GRIP1: variants seen among roughly 807,000 people sequenced by gnomAD.
GRIP1 encodes glutamate receptor interacting protein 1.
Under a neutral mutation model 129.9 loss-of-function variants are expected in GRIP1, and 45 were observed. That is an observed-to-expected ratio of 0.35 (90% confidence interval 0.27 to 0.44). The LOEUF is 0.44. GRIP1 is among the 20% of genes least tolerant of loss of function. The pLI is 1.00. For missense variants in GRIP1, 1,196 were observed against 1,396.8 expected (o/e 0.86, Z 2.29); for synonymous variants, 530 against 520.8 (o/e 1.02, Z -0.24).
intron 23 of GRIP1, among the ~76,000 whole-genome samples, chr12:66,356,051 T>A (rs1272609785): frequency 1.3e-5 from 2 of 152,130 alleles, no homozygotes; most frequent in Non-Finnish European, 2.9e-5. Flanking sequence ...CGACACTGTG[T>A]GGACACGAGA....
intron 1 of GRIP1, among the ~76,000 whole-genome samples, chr12:66,623,903 CT>C (rs1363670555): frequency 6.6e-6 from 1 of 152,044 alleles, no homozygotes; most frequent in Non-Finnish European, 1.5e-5. Flanking sequence ...TGAATTTTTT[CT>C]TTTAAATTTA....
At chr12:66,717,138 G>A (rs769383919) in intron 1 of GRIP1, among the ~76,000 whole-genome samples, 6 of 152,052 alleles carry the variant, frequency 3.9e-5, no homozygotes, top group Admixed American at 2.0e-4. Context: ...AGTCCAATAA[G>A]TTATAGAACA....
chr12:66,860,941 G>C (rs1831812651), intron 1 of GRIP1, among the ~76,000 whole-genome samples: 1 of 151,914 alleles, frequency 6.6e-6, no homozygotes, highest in African/African-American at 2.4e-5. Context: ...TTTCATTCAA[G>C]GCCATTACAC....
chr12:66,849,997 A>C (rs1488084640), intron 1 of GRIP1, among the ~76,000 whole-genome samples: 1 of 152,130 alleles, frequency 6.6e-6, no homozygotes, highest in East Asian at 1.9e-4. Flanking sequence ...CATCTACAAA[A>C]TGAAGGATAT....
chr12:66,882,842 G>A (rs1035875306), intron 1 of GRIP1, among the ~76,000 whole-genome samples: 28 of 149,438 alleles, frequency 1.9e-4, no homozygotes, highest in African/African-American at 3.8e-4. Flanking sequence ...TCTCCTCCTC[G>A]CAGACAAGGC....
intron 1 of GRIP1, among the ~76,000 whole-genome samples, chr12:66,970,615 G>A (rs376673992): frequency 1.7e-5 from 1 of 60,414 alleles, no homozygotes; most frequent in Non-Finnish European, 3.3e-5. Context: ...GCCAGCCAGT[G>A]TCTGTCTGCA....
At chr12:66,786,241 A>C (rs1458217048) in intron 1 of GRIP1, among the ~76,000 whole-genome samples, 1 of 152,218 alleles carries the variant, frequency 6.6e-6, no homozygotes, top group African/African-American at 2.4e-5. Context: ...TGCTAGATGG[A>C]TATGACAACC....
intron 1 of GRIP1, among the ~76,000 whole-genome samples, chr12:66,888,240 T>C (rs1193277338): frequency 6.6e-6 from 1 of 151,780 alleles, no homozygotes; most frequent in Non-Finnish European, 1.5e-5. Context: ...TCATTTTTTT[T>C]TGTGGAGATG....
At chr12:66,826,932 A>G (rs2137003706) in intron 1 of GRIP1, among the ~76,000 whole-genome samples, 1 of 152,286 alleles carries the variant, frequency 6.6e-6, no homozygotes, top group East Asian at 1.9e-4. Flanking sequence ...AGGGAAATCA[A>G]TAATATACAT....
intron 7 of GRIP1, among the ~76,000 whole-genome samples, chr12:66,504,507 A>G (rs2060475053): frequency 6.6e-6 from 1 of 152,176 alleles, no homozygotes; most frequent in Non-Finnish European, 1.5e-5. Flanking sequence ...ATTTGTAATC[A>G]TATGTACCTG....
chr12:66,473,899 A>G (rs2059522031), intron 7 of GRIP1, among the ~76,000 whole-genome samples: 1 of 152,188 alleles, frequency 6.6e-6, no homozygotes, highest in Non-Finnish European at 1.5e-5. Context: ...AAGCCTAAAA[A>G]TTCAAAAACC....
At chr12:66,875,940 A>T (rs2040374979) in intron 1 of GRIP1, among the ~76,000 whole-genome samples, 1 of 152,086 alleles carries the variant, frequency 6.6e-6, no homozygotes, top group African/African-American at 2.4e-5. Context: ...TTATTCAAAA[A>T]TAGTGGTACA....
intron 1 of GRIP1, among the ~76,000 whole-genome samples, chr12:67,039,018 AACACACACACACACAC>A (rs10562551): frequency 1.3e-5 from 2 of 148,934 alleles, no homozygotes; most frequent in Non-Finnish European, 3.0e-5. Flanking sequence ...ACAAATAATA[AACACACACACACACAC>A]ACACACACAC....
intron 1 of GRIP1, among the ~76,000 whole-genome samples, chr12:66,816,451 TA>T (rs1165561173): frequency 2.6e-5 from 4 of 152,198 alleles, no homozygotes; most frequent in Non-Finnish European, 4.4e-5. Context: ...TATCAAAATT[TA>T]ATTTTCTTCT....
rs147846594 is a variant in GRIP1, at chr12:67,051,517, C to T, written c.58+17533G>A. On this transcript the variant is annotated intron_variant, in intron 1 of 1. Coordinates refer to the GRIP1 transcript ENST00000643019. ...AGTATCAAATGGAAGAAGCCATCAG[C>T]GAAGACCTCAATAACAAAGGAAGTT... Among the ~76,000 whole-genome samples the T allele has an allele frequency of 2.0e-5, 3 of 152,270 alleles. No homozygotes were observed. The East Asian group carries it at 5.8e-4, about 29-fold the overall frequency.
At chr12:66,720,116 G>T (rs192295038) in intron 1 of GRIP1, among the ~76,000 whole-genome samples, 2 of 152,228 alleles carry the variant, frequency 1.3e-5, no homozygotes, top group East Asian at 1.9e-4. Context: ...TGGAGATATT[G>T]CGGATTTGGC....
intron 1 of GRIP1, among the ~76,000 whole-genome samples, chr12:66,975,401 T>G (rs764059844): frequency 1.1e-4 from 17 of 152,214 alleles, no homozygotes; most frequent in Non-Finnish European, 2.1e-4. Context: ...TATTCAATAA[T>G]GCAGTATATG....
intron 4 of GRIP1, among the ~76,000 whole-genome samples, chr12:66,531,256 T>A (rs1478244345): frequency 0.049 from 213 of 4,352 alleles, 2 homozygotes; most frequent in African/African-American, 0.11. Flanking sequence ...AAAAAAAATA[T>A]ATATATATAT....
chr12:66,509,552 G>T (rs983191604), intron 7 of GRIP1, among the ~76,000 whole-genome samples: 1 of 152,012 alleles, frequency 6.6e-6, no homozygotes, highest in Non-Finnish European at 1.5e-5. Flanking sequence ...GGACCCAAAT[G>T]CCCATTAATC....
Sources: allele counts gnomAD v4.1 joint callset (sites outside exome capture counted in the v4.1 genomes callset), GRCh38; gene constraint gnomAD v4.1.1; transcripts MANE v1.5; gene names NCBI Gene and HGNC (gene_info 2026-07-23, HGNC 2026-07-21).